BRWD3: variants seen among roughly 807,000 people sequenced by gnomAD.
BRWD3 encodes bromodomain and WD repeat domain containing 3, also known as bromodomain and WD repeat-containing protein 3.
A neutral mutation model predicts 149.7 loss-of-function variants in BRWD3; 10 were observed. The observed-to-expected ratio is 0.07, with a 90% confidence interval of 0.04 to 0.11. The LOEUF (loss-of-function observed/expected upper bound fraction) is 0.11. Ranked by LOEUF, BRWD3 falls within the 10% of genes least tolerant of loss-of-function variation. The pLI is 1.00. For synonymous variants in BRWD3, 504 were observed against 456.7 expected (o/e 1.10, Z -1.32); for missense variants, 940 against 1,373.2 (o/e 0.68, Z 4.99).
At chrX:80,743,912 C>T in intron 8 of BRWD3, 120 bp downstream of exon 8, 1 of 579,719 alleles carries the variant, frequency 1.7e-6, no homozygotes, top group Admixed American at 3.7e-5. Flanking sequence ...GAGCAAAGTC[C>T]AGAAGAGAGC....
intron 4 of BRWD3, among the ~76,000 whole-genome samples, chrX:80,797,795 A>C (rs1466395030): frequency 8.9e-6 from 1 of 111,807 alleles, no homozygotes; most frequent in Non-Finnish European, 1.9e-5. Flanking sequence ...CTCTAAAATC[A>C]ATAAAAATTT....
chrX:80,802,025 T>C (rs752715216), intron 4 of BRWD3, among the ~76,000 whole-genome samples: 9 of 112,467 alleles, frequency 8.0e-5, no homozygotes, highest in Non-Finnish European at 1.3e-4. Context: ...CTAAATATCT[T>C]TTGACATACA....
At chrX:80,729,867 T>C in intron 13 of BRWD3, 49 bp downstream of exon 13, 1 of 839,607 alleles carries the variant, frequency 1.2e-6, no homozygotes, top group Non-Finnish European at 1.8e-6. Flanking sequence ...TTAAACTCAA[T>C]GTAAAATATA....
intron 20 of BRWD3, among the ~76,000 whole-genome samples, chrX:80,712,004 T>C (rs2072975974): frequency 8.9e-6 from 1 of 112,110 alleles, no homozygotes. Context: ...TTCAAATATT[T>C]TATAGAGTTT....
chrX:80,675,464 T>G lies in BRWD3; in HGVS notation c.*1145A>C, dbSNP rs1324057844. On this transcript the variant is annotated 3_prime_UTR_variant, in exon 41 of 41. Transcript: ENST00000373275. ...ATATAAGCAGTAGCCCAAGTCTACT[T>G]ACACAAATATGTTCTAAGAAAGCCT... 1.8e-5 allele frequency: 2 copies of G among 112,128 alleles called. No individual in the cohort carries two copies. Among genetic ancestry groups the G allele is most frequent in the East Asian group, 5.6e-4 (2 of 3,567 alleles). The allele number at this position is 112,128 out of a possible 1,213,427, so 9.2% of individuals were successfully genotyped here. A position where few individuals can be genotyped will look rare whatever the true frequency, so the allele number is the denominator to read the frequency against.
In BRWD3 at chrX:80,682,067, C is replaced by G; in HGVS notation, c.4425G>C (p.Lys1475Asn). ...TATTCTGGTCATTTTTAGGCTGCAA[C>G]TTCATTTGTTTCTGCTTCCCTTTTG... ...PSPKGKQKQM[K>N]LQPKNDQNTS... Residue 1475 changes from lysine to asparagine, a missense_variant, in exon 39 of 41, where the codon AAG becomes AAC. Around this residue, in one of 6 missense-constraint regions of BRWD3, gnomAD observed 349 missense variants for 419.6 expected, o/e 0.83. Transcript: ENST00000373275. The G allele has an allele frequency of 8.3e-7, 1 of 1,208,913 alleles. No individual in the cohort carries two copies. The highest frequency in any genetic ancestry group is 1.1e-6 in the Non-Finnish European group (1 of 893,799).
chrX:80,803,491 A>T (rs1003412845), intron 4 of BRWD3, among the ~76,000 whole-genome samples: 2 of 112,035 alleles, frequency 1.8e-5, no homozygotes, highest in Admixed American at 9.5e-5. Flanking sequence ...TGTGGAAAAA[A>T]AAATGCCAAG....
intron 4 of BRWD3, 36 bp downstream of exon 4, chrX:80,808,503 A>T: frequency 8.6e-7 from 1 of 1,160,034 alleles, no homozygotes; most frequent in Non-Finnish European, 1.2e-6. Context: ...GAGTGGTGAA[A>T]GAGTTAGGTT....
At chrX:80,693,191 T>C in intron 27 of BRWD3, 140 bp from the exon 28 acceptor site, 3 of 473,286 alleles carry the variant, frequency 6.3e-6, no homozygotes, top group Non-Finnish European at 1.1e-5. Flanking sequence ...TCGGGATAAG[T>C]GATTATTTTA....
At chrX:80,808,173 C>G (rs2074369089) in intron 4 of BRWD3, among the ~76,000 whole-genome samples, 1 of 106,224 alleles carries the variant, frequency 9.4e-6, no homozygotes, top group Admixed American at 1.0e-4. Flanking sequence ...CGGGCTGTTA[C>G]CAACGCTGTC....
At chrX:80,804,790 C>T (rs1469911713) in intron 4 of BRWD3, among the ~76,000 whole-genome samples, 3 of 111,681 alleles carry the variant, frequency 2.7e-5, no homozygotes, top group African/African-American at 9.8e-5. Context: ...AATTATCTAC[C>T]TTAAGATGAA....
chrX:80,734,236 A>G lies in BRWD3; in HGVS notation c.986-18T>C, dbSNP rs1486253682. 5.7e-6 allele frequency: 6 copies of G among 1,043,737 alleles called. No individual in the cohort carries two copies. Among genetic ancestry groups the G allele is most frequent in the Non-Finnish European group, 8.1e-6 (6 of 742,670 alleles). 86.0% of individuals were successfully genotyped at this position (1,043,737 alleles called of 1,213,427 possible). On this transcript the variant is annotated intron_variant, in intron 10 of 40. Coordinates refer to ENST00000373275, the MANE Select transcript of BRWD3 (RefSeq NM_153252.5). Reference sequence around the variant, plus strand: ...CATACCACCTAGAAGATTAAAAAACAAAACAAAACATAGTACCAAGGAACC... The same window carrying G: ...CATACCACCTAGAAGATTAAAAAACGAAACAAAACATAGTACCAAGGAACC...
intron 20 of BRWD3, among the ~76,000 whole-genome samples, chrX:80,711,214 C>T (rs755270948): frequency 9.0e-6 from 1 of 111,439 alleles, no homozygotes; most frequent in Non-Finnish European, 1.9e-5. Context: ...TACTTTTGTT[C>T]ATTCTAGATT....
At position 80,669,682 on chromosome X, in the gene BRWD3, AT is replaced by A. The variant is rs2072308611; in HGVS notation, c.*6926del. 9.0e-6 allele frequency among the ~76,000 whole-genome samples: 1 copy of A among 111,662 alleles called. No homozygotes were observed. Among genetic ancestry groups the A allele is most frequent in the African/African-American group, 3.3e-5 (1 of 30,748 alleles). On this transcript the variant is annotated 3_prime_UTR_variant, in exon 41 of 41. Coordinates refer to ENST00000373275, the MANE Select transcript of BRWD3 (RefSeq NM_153252.5). Reference sequence around the variant, plus strand: ...CTTGACTTAAATTACTTAACAGACTATACAAAATTGCCAATACAAATTAACA... The same window carrying A: ...CTTGACTTAAATTACTTAACAGACTAACAAAATTGCCAATACAAATTAACA...
intron 16 of BRWD3, among the ~76,000 whole-genome samples, chrX:80,723,052 A>C (rs1020221246): frequency 3.6e-5 from 4 of 111,866 alleles, no homozygotes; most frequent in African/African-American, 1.3e-4. Context: ...CTAAAGCAAC[A>C]ACCCAGTAGA....
intron 6 of BRWD3, among the ~76,000 whole-genome samples, chrX:80,784,039 T>A (rs2074084051): frequency 9.0e-6 from 1 of 111,470 alleles, no homozygotes; most frequent in Non-Finnish European, 1.9e-5. Flanking sequence ...GAGTCAAGAA[T>A]AATTTATTGT....
At chrX:80,733,518 T>G (rs950271882) in intron 11 of BRWD3, 22 bp from the exon 12 acceptor site, 1 of 1,160,894 alleles carries the variant, frequency 8.6e-7, no homozygotes, top group East Asian at 3.0e-5. Flanking sequence ...AACAGATTTT[T>G]CGTTAAAATG....
chrX:80,681,285 A>G (rs774800609), intron 40 of BRWD3, 56 bp downstream of exon 40: 1 of 1,133,223 alleles, frequency 8.8e-7, no homozygotes, highest in Non-Finnish European at 1.2e-6. Flanking sequence ...TAAATGATTT[A>G]TCTGCTATCA....
intron 4 of BRWD3, among the ~76,000 whole-genome samples, chrX:80,805,587 A>G (rs1245540449): frequency 8.9e-6 from 1 of 111,887 alleles, no homozygotes; most frequent in Non-Finnish European, 1.9e-5. Context: ...CAAAACATGC[A>G]GCTAAATCAA....
Sources: gnomAD v4.1 joint callset for allele counts (sites outside exome capture counted in the v4.1 genomes callset) on GRCh38, gnomAD v4.1.1 for gene constraint, gnomAD v4.1.1 regional missense constraint, MANE v1.5 for transcripts, NCBI Gene and HGNC (gene_info 2026-07-23, HGNC 2026-07-21) for gene names.